Variants in C1QTNF3 observed in about 807,000 individuals in gnomAD.
C1QTNF3 encodes complement C1q tumor necrosis factor-related protein 3.
In C1QTNF3, 26 loss-of-function variants were observed where a neutral mutation model predicts 32.6. The ratio of observed to expected loss-of-function variants is 0.80; its 90% CI spans 0.58 to 1.11. The LOEUF (loss-of-function observed/expected upper bound fraction) is 1.11. C1QTNF3 is among the 50% of genes least tolerant of loss of function. C1QTNF3 has a pLI of 0.00. For missense variants in C1QTNF3, 362 were observed against 398.2 expected, an observed-to-expected ratio of 0.91 and a Z score of 0.77; for synonymous variants, 155 against 146.0, an observed-to-expected ratio of 1.06 and a Z score of -0.44.
the C1QTNF3 span, among the ~76,000 whole-genome samples, chr5:34,209,503 A>G: frequency 1.3e-5 from 2 of 151,200 alleles, no homozygotes; most frequent in Admixed American, 1.3e-4. Flanking sequence ...TATTCTAAGA[A>G]TTTTAAATTT....
At chr5:34,075,827 T>A in the C1QTNF3 span, among the ~76,000 whole-genome samples, 1 of 150,878 alleles carries the variant, frequency 6.6e-6, no homozygotes, top group Non-Finnish European at 1.5e-5. Context: ...AGCCAAAAGA[T>A]GGAAGGACCC....
chr5:34,102,856 T>A, the C1QTNF3 span, among the ~76,000 whole-genome samples: 3 of 152,334 alleles, frequency 2.0e-5, no homozygotes, highest in Admixed American at 2.0e-4. Flanking sequence ...GGGGGAGGGA[T>A]AGCATTAGGA....
chr5:34,230,213 C>G, the C1QTNF3 span, among the ~76,000 whole-genome samples: 4 of 152,148 alleles, frequency 2.6e-5, no homozygotes, highest in African/African-American at 9.7e-5. Context: ...ATTCTAAAGC[C>G]TGGGAAAGGC....
At chr5:34,112,221 G>T in the C1QTNF3 span, among the ~76,000 whole-genome samples, 1 of 152,038 alleles carries the variant, frequency 6.6e-6, no homozygotes, top group Admixed American at 6.5e-5. Flanking sequence ...GACAGACAGA[G>T]ATTTTATTAC....
chr5:34,132,101 A>C, the C1QTNF3 span, among the ~76,000 whole-genome samples: 1 of 152,134 alleles, frequency 6.6e-6, no homozygotes, highest in East Asian at 1.9e-4. Flanking sequence ...AGAATAGTGT[A>C]GCTGGCTGGG....
At chr5:34,119,071 T>G in the C1QTNF3 span, among the ~76,000 whole-genome samples, 27 of 152,192 alleles carry the variant, frequency 1.8e-4, no homozygotes, top group Non-Finnish European at 8.8e-5. Flanking sequence ...AAGTGTGTTT[T>G]TATTGCTATT....
chr5:34,195,477 T>A, the C1QTNF3 span, among the ~76,000 whole-genome samples: 1 of 151,188 alleles, frequency 6.6e-6, no homozygotes, highest in South Asian at 2.1e-4. Context: ...ACCTATCAGA[T>A]TTACATCAAC....
the C1QTNF3 span, among the ~76,000 whole-genome samples, chr5:34,222,924 T>C: frequency 1.3e-5 from 2 of 151,902 alleles, no homozygotes; most frequent in African/African-American, 4.8e-5. Flanking sequence ...TGAGATTGAC[T>C]CCCTCCTTCT....
the C1QTNF3 span, among the ~76,000 whole-genome samples, chr5:34,078,704 T>G: frequency 1.3e-5 from 2 of 151,672 alleles, no homozygotes; most frequent in African/African-American, 4.9e-5. This position sits in a 1 kb window ranked among gnomAD's most constrained non-coding sequence, Gnocchi z 4.0. Flanking sequence ...TCCTATAGAT[T>G]TCAGCTATAG....
At chr5:34,070,566 GA>G in the C1QTNF3 span, among the ~76,000 whole-genome samples, 4 of 151,660 alleles carry the variant, frequency 2.6e-5, no homozygotes, top group Admixed American at 2.6e-4. Context: ...TAGCAGTATT[GA>G]ATTGATTTTT....
chr5:34,138,681 T>C, the C1QTNF3 span, among the ~76,000 whole-genome samples: 2 of 152,162 alleles, frequency 1.3e-5, no homozygotes, highest in Non-Finnish European at 2.9e-5. Context: ...AACTGAGAAA[T>C]AATTACCCAC....
chr5:34,041,975 C>A (rs1046059474), intron 1 of C1QTNF3, among the ~76,000 whole-genome samples: 3 of 149,722 alleles, frequency 2.0e-5, no homozygotes, highest in Non-Finnish European at 4.4e-5. Context: ...CTCAAAGTAA[C>A]TCTTCTTGCC....
chr5:34,022,355 G>C (rs138776005), intron 5 of C1QTNF3, among the ~76,000 whole-genome samples: 1 of 152,266 alleles, frequency 6.6e-6, no homozygotes, highest in East Asian at 1.9e-4. Flanking sequence ...GCCTCGAGGA[G>C]GCCCTGCTCA....
Position 34,020,367 on chromosome 5 carries a change from T to G in C1QTNF3, c.*216A>C, listed in dbSNP as rs761708216. On this transcript the variant is annotated 3_prime_UTR_variant, in exon 6 of 6. Transcript: ENST00000382065. ...AAGAGTGATAAAGATGCTGAGTATA[T>G]TAGTCAAGGTCATCTGAGAAGACTA... The G allele has an allele frequency of 5.9e-4, 303 of 514,850 alleles. No individual in the cohort carries two copies. Among genetic ancestry groups the G allele is most frequent in the Non-Finnish European group, 9.3e-4 (272 of 291,866 alleles). The allele number at this position is 514,850 out of a possible 1,614,324, so 31.9% of individuals were successfully genotyped here.
chr5:34,161,972 A>G, the C1QTNF3 span, among the ~76,000 whole-genome samples: 2 of 152,098 alleles, frequency 1.3e-5, no homozygotes, highest in South Asian at 2.1e-4. Context: ...CCATGCATCA[A>G]TTTTCATTAA....
the C1QTNF3 span, among the ~76,000 whole-genome samples, chr5:34,178,395 G>A: frequency 5.9e-5 from 9 of 152,198 alleles, no homozygotes; most frequent in South Asian, 2.1e-4. Context: ...CTGTAAGCAC[G>A]ATAAATTTAA....
the C1QTNF3 span, among the ~76,000 whole-genome samples, chr5:34,063,962 T>C: frequency 6.6e-6 from 1 of 152,162 alleles, no homozygotes; most frequent in Non-Finnish European, 1.5e-5. Context: ...GACTTCTGAC[T>C]GTGCCATGAT....
At chr5:34,058,206 C>CT in the C1QTNF3 span, among the ~76,000 whole-genome samples, 11 of 151,170 alleles carry the variant, frequency 7.3e-5, no homozygotes, top group African/African-American at 1.9e-4. Flanking sequence ...TTTGAGGCTT[C>CT]TTTTTTTTTC....
the C1QTNF3 span, among the ~76,000 whole-genome samples, chr5:34,170,197 T>C: frequency 6.6e-5 from 10 of 152,292 alleles, no homozygotes; most frequent in Non-Finnish European, 1.2e-4. Context: ...GGACAAATAC[T>C]ACAGAATTCC....
Sources: gnomAD v4.1 joint callset for allele counts (sites outside exome capture counted in the v4.1 genomes callset) on GRCh38, gnomAD v4.1.1 for gene constraint, Gnocchi (gnomAD v3.1) non-coding constraint, MANE v1.5 for transcripts, NCBI Gene and HGNC (gene_info 2026-07-23, HGNC 2026-07-21) for gene names.